The following LANCL2 variants were observed in gnomAD, a reference collection of about 807,000 sequenced individuals.
The protein encoded by LANCL2 is lanC-like protein 2.
In LANCL2, 33 loss-of-function variants were observed where a neutral mutation model predicts 56.9. That is an observed-to-expected ratio of 0.58 (90% confidence interval 0.44 to 0.78). LANCL2 has a LOEUF of 0.78. LANCL2 is among the 30% of genes least tolerant of loss of function. The probability of loss-of-function intolerance (pLI) is 0.00; values close to 1 mark genes in which losing one functional copy is unlikely to be tolerated. For synonymous variants in LANCL2, 233 were observed against 228.2 expected (o/e 1.02, Z -0.19); for missense variants, 562 against 580.2 (o/e 0.97, Z 0.32).
intron 1 of LANCL2, among the ~76,000 whole-genome samples, chr7:55,376,448 A>G (rs1790003539): frequency 6.6e-6 from 1 of 152,148 alleles, no homozygotes; most frequent in Non-Finnish European, 1.5e-5. Context: ...CTTCTAGTCC[A>G]CACATTGCCC....
intron 6 of LANCL2, among the ~76,000 whole-genome samples, chr7:55,422,093 A>G (rs1790615183): frequency 6.6e-6 from 1 of 152,134 alleles, no homozygotes; most frequent in South Asian, 2.1e-4. Context: ...AGCAAAAAAG[A>G]TAGTTTTGAT....
intron 5 of LANCL2, among the ~76,000 whole-genome samples, chr7:55,411,184 G>A (rs2128995169): frequency 6.6e-6 from 1 of 152,306 alleles, no homozygotes; most frequent in South Asian, 2.1e-4. Flanking sequence ...TTCATGGGAA[G>A]CTGTACAGTA....
intron 6 of LANCL2, among the ~76,000 whole-genome samples, chr7:55,417,464 C>A (rs957852045): frequency 6.6e-6 from 1 of 152,148 alleles, no homozygotes; most frequent in African/African-American, 2.4e-5. Flanking sequence ...GATATTACCA[C>A]GTTGTTTTTC....
chr7:55,375,141 C>T (rs1448497573), intron 1 of LANCL2, among the ~76,000 whole-genome samples: 1 of 152,180 alleles, frequency 6.6e-6, no homozygotes, highest in Non-Finnish European at 1.5e-5. Context: ...GCATGTTGAA[C>T]ACTTGTTTTT....
intron 5 of LANCL2, among the ~76,000 whole-genome samples, chr7:55,403,606 C>G (rs1270450748): frequency 4.8e-5 from 6 of 123,962 alleles, no homozygotes; most frequent in Non-Finnish European, 3.2e-5. Flanking sequence ...GAGTCTCACT[C>G]TGTCGCCCAG....
chr7:55,370,785 G>A (rs887621122), intron 1 of LANCL2, among the ~76,000 whole-genome samples: 3 of 152,108 alleles, frequency 2.0e-5, no homozygotes, highest in Non-Finnish European at 4.4e-5. Context: ...CAAGGAGTAC[G>A]GCATGACTGG....
chr7:55,402,342 A>C (rs1583755475), intron 5 of LANCL2, among the ~76,000 whole-genome samples: 1 of 48,488 alleles, frequency 2.1e-5, no homozygotes, highest in South Asian at 7.7e-4. Flanking sequence ...CTGGCCGGGC[A>C]GAGGGGCTCC....
At position 55,366,045 on chromosome 7, in the gene LANCL2, A is replaced by G. The variant is rs772483530; in HGVS notation, c.20A>G (p.Lys7Arg). ...GCGGAGATGGGCGAGACCATGTCAA[A>G]GAGGCTGAAGCTCCACCTGGGAGGG... MGETMS[K>R]RLKLHLGGEA... Residue 7 changes from lysine (K) to arginine (R), a missense_variant, in exon 1 of 9, where the codon AAG (lysine) becomes AGG (arginine). Coordinates refer to ENST00000254770, the MANE Select transcript of LANCL2 (RefSeq NM_018697.4). The G allele has an allele frequency of 6.7e-7, 1 of 1,503,466 alleles. No individual in the cohort carries two copies. The highest frequency in any genetic ancestry group is 8.9e-7 in the Non-Finnish European group (1 of 1,120,760). 93.1% of individuals were successfully genotyped at this position (1,503,466 alleles called of 1,614,324 possible). A position where few individuals can be genotyped will look rare whatever the true frequency, so the allele number is the denominator to read the frequency against.
At chr7:55,404,418 A>G (rs1242290310) in intron 5 of LANCL2, among the ~76,000 whole-genome samples, 1 of 152,184 alleles carries the variant, frequency 6.6e-6, no homozygotes, top group Non-Finnish European at 1.5e-5. Flanking sequence ...GAAAACCTAT[A>G]TATTACTTTT....
At chr7:55,389,959 G>C (rs1351714531) in intron 1 of LANCL2, among the ~76,000 whole-genome samples, 1 of 152,166 alleles carries the variant, frequency 6.6e-6, no homozygotes, top group Non-Finnish European at 1.5e-5. Context: ...ACTTTGAAAT[G>C]TAAACATGCA....
At chr7:55,383,978 C>T (rs544067238) in intron 1 of LANCL2, among the ~76,000 whole-genome samples, 50 of 152,112 alleles carry the variant, frequency 3.3e-4, no homozygotes, top group Admixed American at 1.0e-3. Context: ...ATGATTTTTT[C>T]ACTGTTATAA....
chr7:55,384,970 T>A (rs2128992156), intron 1 of LANCL2, among the ~76,000 whole-genome samples: 1 of 152,232 alleles, frequency 6.6e-6, no homozygotes, highest in South Asian at 2.1e-4. Context: ...GAGGATTGCT[T>A]GAGCCCAGGA....
chr7:55,417,464 C>T (rs957852045), intron 6 of LANCL2, among the ~76,000 whole-genome samples: 2 of 152,148 alleles, frequency 1.3e-5, no homozygotes, highest in African/African-American at 4.8e-5. Context: ...GATATTACCA[C>T]GTTGTTTTTC....
chr7:55,408,170 T>C (rs924118795), intron 5 of LANCL2, among the ~76,000 whole-genome samples: 1 of 152,112 alleles, frequency 6.6e-6, no homozygotes, highest in Admixed American at 6.5e-5. Context: ...AAATAAAATA[T>C]ATAATAGCTG....
chr7:55,368,378 G>A (rs1789899062), intron 1 of LANCL2, among the ~76,000 whole-genome samples: 6 of 152,220 alleles, frequency 3.9e-5, no homozygotes, highest in Admixed American at 3.9e-4. Context: ...GGGGACCTAT[G>A]CCAGTGGTTG....
chr7:55,410,949 T>C (rs1344375596), intron 5 of LANCL2, among the ~76,000 whole-genome samples: 1 of 151,728 alleles, frequency 6.6e-6, no homozygotes, highest in Admixed American at 6.6e-5. Flanking sequence ...GGATGTCATG[T>C]GGTGACATGT....
chr7:55,405,606 GCCC>G (rs2128994474), intron 5 of LANCL2, among the ~76,000 whole-genome samples: 2 of 149,682 alleles, frequency 1.3e-5, no homozygotes, highest in South Asian at 4.2e-4. Flanking sequence ...TTCTCCTGCA[GCCC>G]CACGAGTGTG....
chr7:55,402,351 C>T (rs1219014987), intron 5 of LANCL2, among the ~76,000 whole-genome samples: 3 of 64,482 alleles, frequency 4.7e-5, no homozygotes, highest in Admixed American at 3.9e-4. Flanking sequence ...CAGAGGGGCT[C>T]CTTACTTCCC....
At chr7:55,372,770 C>A (rs1285644334) in intron 1 of LANCL2, among the ~76,000 whole-genome samples, 2 of 152,004 alleles carry the variant, frequency 1.3e-5, no homozygotes, top group African/African-American at 4.8e-5. Context: ...AGAAAAAAAA[C>A]CTACTTTTTT....
Sources: allele counts gnomAD v4.1 joint callset (sites outside exome capture counted in the v4.1 genomes callset), GRCh38; gene constraint gnomAD v4.1.1; transcripts MANE v1.5; gene names NCBI Gene and HGNC (gene_info 2026-07-23, HGNC 2026-07-21).